The following KCNG3 variants were observed in gnomAD, a reference collection of about 807,000 sequenced individuals.
The protein encoded by KCNG3 is potassium voltage-gated channel modifier subfamily G member 3.
A neutral mutation model predicts 29.0 loss-of-function variants in KCNG3; 15 were observed. That is an observed-to-expected ratio of 0.52 (90% confidence interval 0.35 to 0.80). The LOEUF (loss-of-function observed/expected upper bound fraction) is 0.80, where lower values mean the gene tolerates loss of function less well. Ranked by LOEUF, KCNG3 falls within the 30% of genes least tolerant of loss-of-function variation. The probability of loss-of-function intolerance (pLI) is 0.01; values close to 1 mark genes in which losing one functional copy is unlikely to be tolerated. For missense variants in KCNG3, 512 were observed against 605.7 expected, an observed-to-expected ratio of 0.85 and a Z score of 1.62; for synonymous variants, 322 against 248.9, an observed-to-expected ratio of 1.29 and a Z score of -2.76.
downstream of KCNG3, among the ~76,000 whole-genome samples, chr2:42,438,355 T>C (rs571322983): frequency 3.0e-4 from 46 of 152,324 alleles, no homozygotes; most frequent in Non-Finnish European, 5.4e-4. Context: ...TCCTATCTAA[T>C]ATAAAATTAC....
At chr2:42,418,608 C>G in the KCNG3 span, among the ~76,000 whole-genome samples, 1 of 152,042 alleles carries the variant, frequency 6.6e-6, no homozygotes, top group Non-Finnish European at 1.5e-5. Flanking sequence ...TCTTTTTGAT[C>G]AGAAGAGAGA....
intron 1 of KCNG3, among the ~76,000 whole-genome samples, chr2:42,466,591 C>T (rs1389802480): frequency 2.0e-5 from 3 of 152,062 alleles, no homozygotes; most frequent in Non-Finnish European, 4.4e-5. Context: ...TGTGAGGACT[C>T]TCTATGACGT....
the KCNG3 span, among the ~76,000 whole-genome samples, chr2:42,406,422 T>C: frequency 4.6e-5 from 7 of 151,290 alleles, no homozygotes; most frequent in South Asian, 1.5e-3. Context: ...TTTTTCCATA[T>C]TGGTCAGGCT....
chr2:42,430,182 C>CA, the KCNG3 span, among the ~76,000 whole-genome samples: 1 of 151,876 alleles, frequency 6.6e-6, no homozygotes, highest in South Asian at 2.1e-4. Context: ...GCCTGGGCAA[C>CA]ACAGTGAGAC....
downstream of KCNG3, among the ~76,000 whole-genome samples, chr2:42,439,483 G>C (rs536825587): frequency 6.6e-6 from 1 of 151,138 alleles, no homozygotes; most frequent in Admixed American, 6.6e-5. Flanking sequence ...GGCTGGTTTC[G>C]AACTCCTGAC....
chr2:42,464,997 A>G (rs1028558254), intron 1 of KCNG3, among the ~76,000 whole-genome samples: 1 of 152,246 alleles, frequency 6.6e-6, no homozygotes, highest in Non-Finnish European at 1.5e-5. Context: ...TAATGGTACA[A>G]AAAATTTAAT....
At chr2:42,477,633 C>T (rs556165700) in intron 1 of KCNG3, among the ~76,000 whole-genome samples, 1 of 151,928 alleles carries the variant, frequency 6.6e-6, no homozygotes, top group African/African-American at 2.4e-5. Flanking sequence ...AATCCTAGCA[C>T]TTTGGGAGGC....
At chr2:42,422,489 A>C in the KCNG3 span, among the ~76,000 whole-genome samples, 12 of 152,164 alleles carry the variant, frequency 7.9e-5, no homozygotes. Context: ...GCAAGAAAGA[A>C]TGAACTAAGA....
chr2:42,457,299 A>G (rs1672899159), intron 1 of KCNG3, among the ~76,000 whole-genome samples: 1 of 151,114 alleles, frequency 6.6e-6, no homozygotes, highest in South Asian at 2.1e-4. Context: ...AGTTTGGGCA[A>G]CGTGACGAAA....
intron 1 of KCNG3, among the ~76,000 whole-genome samples, chr2:42,480,109 G>C (rs966947511): frequency 2.0e-5 from 3 of 152,164 alleles, no homozygotes; most frequent in Non-Finnish European, 4.4e-5. Flanking sequence ...AAAAGCCCCT[G>C]TTCTACCAGA....
At chr2:42,457,353 G>A (rs547379135) in intron 1 of KCNG3, among the ~76,000 whole-genome samples, 6 of 150,820 alleles carry the variant, frequency 4.0e-5, no homozygotes, top group Admixed American at 1.3e-4. Context: ...AATTAGCCAA[G>A]CATGGGGGCA....
intron 1 of KCNG3, among the ~76,000 whole-genome samples, chr2:42,488,552 CTT>C (rs111727996): frequency 1.4e-4 from 19 of 136,938 alleles, no homozygotes; most frequent in Non-Finnish European, 1.6e-4. Context: ...ATTTTCTTTT[CTT>C]TTTTTTTTTT....
chr2:42,456,842 A>G (rs1178969732), intron 1 of KCNG3, among the ~76,000 whole-genome samples: 2 of 152,198 alleles, frequency 1.3e-5, no homozygotes, highest in Non-Finnish European at 2.9e-5. Context: ...AATTTCCAGC[A>G]AACTGCACAT....
intron 1 of KCNG3, chr2:42,463,547 G>A (rs183464957): frequency 2.4e-5 from 4 of 169,768 alleles, no homozygotes; most frequent in Non-Finnish European, 3.8e-5. Flanking sequence ...AAATTCATCC[G>A]GTAGCCATCC....
At chr2:42,467,572 G>A (rs1210380083) in intron 1 of KCNG3, among the ~76,000 whole-genome samples, 1 of 151,658 alleles carries the variant, frequency 6.6e-6, no homozygotes, top group East Asian at 1.9e-4. Context: ...GGAGGCTGAG[G>A]CAGGAGAATC....
intron 1 of KCNG3, among the ~76,000 whole-genome samples, chr2:42,462,386 G>C (rs1398408914): frequency 6.6e-6 from 1 of 152,210 alleles, no homozygotes; most frequent in Non-Finnish European, 1.5e-5. Context: ...GATGGGAACA[G>C]GTCATGAAGA....
At chr2:42,401,767 T>C in the KCNG3 span, among the ~76,000 whole-genome samples, 1 of 152,086 alleles carries the variant, frequency 6.6e-6, no homozygotes, top group Non-Finnish European at 1.5e-5. Flanking sequence ...AAAGAAATAC[T>C]GTGACACCTG....
chr2:42,432,193 T>C, the KCNG3 span, among the ~76,000 whole-genome samples: 1 of 152,290 alleles, frequency 6.6e-6, no homozygotes, highest in South Asian at 2.1e-4. Flanking sequence ...GAAGTGACAC[T>C]TGTTAGGCAA....
At chr2:42,403,810 A>G in the KCNG3 span, among the ~76,000 whole-genome samples, 3 of 151,930 alleles carry the variant, frequency 2.0e-5, no homozygotes, top group Admixed American at 2.0e-4. Context: ...TATATTGCCC[A>G]GGCTGGTCTT....
Sources: gnomAD v4.1 joint callset for allele counts (sites outside exome capture counted in the v4.1 genomes callset) on GRCh38, gnomAD v4.1.1 for gene constraint, MANE v1.5 for transcripts, NCBI Gene and HGNC (gene_info 2026-07-23, HGNC 2026-07-21) for gene names.